Variants in CLASP1 observed in about 807,000 individuals in gnomAD.
CLASP1 encodes CLIP-associating protein 1.
In CLASP1, 38 loss-of-function variants were observed where a neutral mutation model predicts 192.3. The observed-to-expected ratio is 0.20, with a 90% CI of 0.15 to 0.26. The LOEUF is 0.26. Among genes scored for constraint, CLASP1 ranks in the 10% least tolerant of loss-of-function variants. CLASP1 has a pLI of 1.00. For missense variants in CLASP1, 1,433 were observed against 1,932.5 expected (o/e 0.74, Z 4.85); for synonymous variants, 691 against 712.8 (o/e 0.97, Z 0.49).
intron 30 of CLASP1, among the ~76,000 whole-genome samples, chr2:121,389,477 G>A (rs1240244475): frequency 7.2e-6 from 1 of 138,114 alleles, no homozygotes; most frequent in African/African-American, 3.3e-5. Context: ...CATTGTATTA[G>A]GTGTTAGAAA....
intron 37 of CLASP1, among the ~76,000 whole-genome samples, chr2:121,350,715 T>C (rs1333845717): frequency 6.6e-6 from 1 of 152,216 alleles, no homozygotes; most frequent in Non-Finnish European, 1.5e-5. Flanking sequence ...CGTGCTGCTG[T>C]TAGTGGGTTT....
chr2:121,570,227 A>G (rs2059868148), intron 2 of CLASP1, among the ~76,000 whole-genome samples: 1 of 152,172 alleles, frequency 6.6e-6, no homozygotes, highest in African/African-American at 2.4e-5. Context: ...CAGGTGGCAC[A>G]ATCTTGTTAA....
chr2:121,567,925 T>C (rs1286586740), intron 2 of CLASP1, among the ~76,000 whole-genome samples: 2 of 152,214 alleles, frequency 1.3e-5, no homozygotes, highest in African/African-American at 2.4e-5. Context: ...TACTTCTATC[T>C]TCCTAGATGG....
chr2:121,579,870 T>C (rs990656083), intron 2 of CLASP1, among the ~76,000 whole-genome samples: 1 of 152,072 alleles, frequency 6.6e-6, no homozygotes, highest in African/African-American at 2.4e-5. Context: ...CACGAAAAAA[T>C]AAACTAAATG....
intron 34 of CLASP1, among the ~76,000 whole-genome samples, chr2:121,372,723 C>CT (rs1471537317): frequency 6.6e-6 from 1 of 152,184 alleles, no homozygotes; most frequent in Admixed American, 6.5e-5. Flanking sequence ...AGTAGCCTGT[C>CT]TAAAATATAA....
At position 121,636,338 on chromosome 2, in the gene CLASP1, A is replaced by AAATAATAATAAT. The variant is rs58688393; in HGVS notation, c.-286+13022_-286+13033dup. Among the ~76,000 whole-genome samples, 679 of 138,154 alleles carry AAATAATAATAAT rather than the reference A, an allele frequency of 4.9e-3. 6 individuals are homozygous for AAATAATAATAAT. Among genetic ancestry groups the AAATAATAATAAT allele is most frequent in the African/African-American group, 0.017 (613 of 35,954 alleles). 90.6% of individuals were successfully genotyped at this position (138,154 alleles called of 152,430 possible). A position where few individuals can be genotyped will look rare whatever the true frequency, so the allele number is the denominator to read the frequency against. ...GTGACAGAGTGAGACTCCATTTCAAAAATAATAATAATAATAATAATAATA... is the reference window on the plus strand; with the variant it reads ...GTGACAGAGTGAGACTCCATTTCAAAAATAATAATAATAATAATAATAATAATAATAATAATA... On this transcript the variant is annotated intron_variant, in intron 1 of 39. Coordinates refer to ENST00000263710, the Ensembl canonical transcript of CLASP1.
chr2:121,514,534 A>G (rs1315999833), intron 7 of CLASP1, among the ~76,000 whole-genome samples: 1 of 152,158 alleles, frequency 6.6e-6, no homozygotes, highest in Non-Finnish European at 1.5e-5. Context: ...AAAAAAAACT[A>G]TTATCACAGA....
chr2:121,471,010 T>TA (rs1427975911), intron 8 of CLASP1, among the ~76,000 whole-genome samples: 4 of 152,188 alleles, frequency 2.6e-5, no homozygotes, highest in Non-Finnish European at 4.4e-5. Flanking sequence ...TTTAAAATTT[T>TA]AAAAAAACAC....
intron 2 of CLASP1, among the ~76,000 whole-genome samples, chr2:121,595,408 C>T (rs2063017769): frequency 1.3e-5 from 2 of 152,222 alleles, no homozygotes; most frequent in African/African-American, 2.4e-5. Flanking sequence ...TAAACATTAG[C>T]TGTTAATCAT....
chr2:121,648,804 C>G (rs2073668880), intron 1 of CLASP1, among the ~76,000 whole-genome samples: 1 of 152,340 alleles, frequency 6.6e-6, no homozygotes, highest in Non-Finnish European at 1.5e-5. Context: ...CCAAGGGGAC[C>G]TTGTGCATCC....
chr2:121,573,953 G>C (rs2060215819), intron 2 of CLASP1, among the ~76,000 whole-genome samples: 1 of 152,216 alleles, frequency 6.6e-6, no homozygotes, highest in African/African-American at 2.4e-5. Flanking sequence ...TAGAGTGGTG[G>C]TTACCAGGGT....
At chr2:121,434,252 CA>C in intron 19 of CLASP1, among the ~76,000 whole-genome samples, 1 of 152,096 alleles carries the variant, frequency 6.6e-6, no homozygotes, top group East Asian at 1.9e-4. Context: ...ACCTTAATTT[CA>C]AAAAAGTATT....
chr2:121,384,963 T>C (rs149671300), intron 32 of CLASP1, among the ~76,000 whole-genome samples: 1 of 152,212 alleles, frequency 6.6e-6, no homozygotes, highest in Admixed American at 6.5e-5. Context: ...AATAACACTG[T>C]CTGGTCAAGA....
At chr2:121,444,805 A>G (rs1456713416) in intron 19 of CLASP1, 5 of 467,546 alleles carry the variant, frequency 1.1e-5, no homozygotes, top group Non-Finnish European at 2.0e-5. Flanking sequence ...GAATGAAAAG[A>G]GAGGAGGAGA....
At chr2:121,377,721 T>C (rs1007735466) in intron 33 of CLASP1, 72 bp from the exon 35 acceptor site, 10 of 1,022,564 alleles carry the variant, frequency 9.8e-6, no homozygotes, top group Middle Eastern at 6.0e-4. Context: ...CATAAGTTAC[T>C]TCCCACAATT....
chr2:121,543,867 G>A (rs575212645), intron 2 of CLASP1, among the ~76,000 whole-genome samples: 1 of 152,136 alleles, frequency 6.6e-6, no homozygotes, highest in Non-Finnish European at 1.5e-5. Flanking sequence ...AGTAGGGGGT[G>A]GATAGGAAAT....
intron 19 of CLASP1, among the ~76,000 whole-genome samples, chr2:121,446,278 C>T (rs184013347): frequency 6.6e-6 from 1 of 152,192 alleles, no homozygotes; most frequent in Admixed American, 6.5e-5. Flanking sequence ...TTCATTTTGC[C>T]TCATATATGA....
chr2:121,528,533 TTGAA>T (rs1452165475), intron 4 of CLASP1, 140 bp downstream of exon 4: 2 of 659,664 alleles, frequency 3.0e-6, no homozygotes, highest in Non-Finnish European at 5.5e-6. Context: ...GGGAAACAGA[TTGAA>T]TGCTGTGAAA....
intron 19 of CLASP1, among the ~76,000 whole-genome samples, chr2:121,431,785 A>G (rs1241198999): frequency 2.0e-5 from 3 of 151,726 alleles, no homozygotes; most frequent in Admixed American, 6.6e-5. Flanking sequence ...TTCACAACCA[A>G]TAACTCTGTG....
Sources: allele counts gnomAD v4.1 joint callset (sites outside exome capture counted in the v4.1 genomes callset), GRCh38; gene constraint gnomAD v4.1.1; transcripts MANE v1.5; gene names NCBI Gene and HGNC (gene_info 2026-07-23, HGNC 2026-07-21).